ADAMTS20: variants seen among roughly 807,000 people sequenced by gnomAD.
The protein encoded by ADAMTS20 is A disintegrin and metalloproteinase with thrombospondin motifs 20.
In ADAMTS20, 225 loss-of-function variants were observed where a neutral mutation model predicts 260.1. That is an observed-to-expected ratio of 0.87 (90% CI 0.78 to 0.97). The LOEUF (loss-of-function observed/expected upper bound fraction) is 0.97. ADAMTS20 is among the 50% of genes least tolerant of loss of function. The pLI, the probability that ADAMTS20 is intolerant of heterozygous loss-of-function variation, is 0.00. For missense variants in ADAMTS20, 2,400 were observed against 2,337.7 expected (o/e 1.03, Z -0.55); for synonymous variants, 802 against 769.5 (o/e 1.04, Z -0.70).
At chr12:43,431,256 G>A in intron 22 of ADAMTS20, 76 bp downstream of exon 22, 2 of 1,453,088 alleles carry the variant, frequency 1.4e-6, no homozygotes, top group Non-Finnish European at 1.9e-6. Context: ...CACTAAGGGA[G>A]GAGTAAATAT....
rs1019899602 is a variant in ADAMTS20 at position 43,432,940 on chromosome 12, T to C, written c.2721-129A>G. On this transcript the variant is annotated intron_variant, in intron 19 of 38. Transcript: ENST00000389420. ...ACAAACCACCAAAAAACAAAACCAG[T>C]CTGCAGCCAGGAAGCCAGCATTATA... 1.6e-4 allele frequency: 124 copies of C among 773,774 alleles called. 2 individuals are homozygous for C. Among genetic ancestry groups the C allele is most frequent in the Middle Eastern group, 3.6e-4 (1 of 2,746 alleles). The allele number at this position is 773,774 out of a possible 1,614,324, so 47.9% of individuals were successfully genotyped here.
rs1165583637 is a variant in ADAMTS20 at position 43,428,497 on chromosome 12, C to T, written c.3689G>A (p.Arg1230Gln). The T allele has an allele frequency of 5.0e-6, 8 of 1,613,602 alleles. No homozygotes were observed. The highest frequency in any genetic ancestry group is 1.6e-4 in the Middle Eastern group (1 of 6,062). ...ATGGTAGTTCATGCATAAAACTTGT[C>T]GAGTTGTTTTTCCATGGCCACAGGA... Reference protein sequence around the residue: ...SASCGHGKTTRQVLCMNYHQP... With the variant: ...SASCGHGKTTQQVLCMNYHQP... Residue 1230 changes from arginine (R) to glutamine (Q), a missense_variant, in exon 26 of 39, where the codon CGA (arginine) becomes CAA (glutamine). Physicochemically the swap from Arg to Gln is conservative, Grantham distance 43. Coordinates refer to ENST00000389420, the MANE Select transcript of ADAMTS20 (RefSeq NM_025003.5).
intron 3 of ADAMTS20, among the ~76,000 whole-genome samples, chr12:43,503,936 C>A (rs776982665): frequency 2.6e-5 from 4 of 152,064 alleles, no homozygotes; most frequent in Non-Finnish European, 5.9e-5. Flanking sequence ...TATATATGTA[C>A]CACCATTTTC....
At chr12:43,544,376 CATA>C (rs769866140) in intron 2 of ADAMTS20, among the ~76,000 whole-genome samples, 1 of 152,188 alleles carries the variant, frequency 6.6e-6, no homozygotes, top group Non-Finnish European at 1.5e-5. Flanking sequence ...TTATCTTACT[CATA>C]ATGTGTTGCT....
intron 29 of ADAMTS20, among the ~76,000 whole-genome samples, chr12:43,389,734 A>C (rs1365181373): frequency 1.3e-5 from 2 of 152,060 alleles, no homozygotes; most frequent in Admixed American, 1.3e-4. Flanking sequence ...GCCACTTTAG[A>C]ACAAGGATGG....
In ADAMTS20 at chr12:43,467,755, G is replaced by T. The variant is rs533444554; in HGVS notation, c.1223+845C>A. Among the ~76,000 whole-genome samples the T allele has an allele frequency of 2.4e-4, 36 of 152,088 alleles. No homozygotes were observed. In the South Asian group the frequency reaches 3.7e-3, roughly 16 times the overall value. On this transcript the variant is annotated intron_variant, in intron 8 of 38. Coordinates refer to ENST00000389420, the MANE Select transcript of ADAMTS20 (RefSeq NM_025003.5). The stretch of plus-strand genomic sequence containing the variant: ...GTTGATGATTATGAGATATAACCAT[G>T]CAAAAAGGGAACTGAAGAGATGATC...
chr12:43,453,612 A>G (rs1303066987), intron 12 of ADAMTS20, among the ~76,000 whole-genome samples: 3 of 152,186 alleles, frequency 2.0e-5, no homozygotes, highest in African/African-American at 7.2e-5. Context: ...TGTGAAAATG[A>G]CATTATATAA....
At chr12:43,501,055 C>CT (rs79075751) in intron 4 of ADAMTS20, among the ~76,000 whole-genome samples, 7,496 of 104,558 alleles carry the variant, frequency 0.072, 686 homozygotes, top group African/African-American at 0.18. Context: ...CTATGTAATT[C>CT]TTTTTTTTTT....
At chr12:43,471,189 A>G (rs1306833343) in intron 7 of ADAMTS20, among the ~76,000 whole-genome samples, 1 of 152,168 alleles carries the variant, frequency 6.6e-6, no homozygotes, top group African/African-American at 2.4e-5. Flanking sequence ...GCAAGGGGTC[A>G]GGGAGTTCCC....
In ADAMTS20 at chr12:43,446,674, C is replaced by G. The variant is rs749199992; in HGVS notation, c.2118G>C (p.Lys706Asn). ...GCDHVLNSSA[K>N]IDKCGVCGGD... ...CACCACACACTCCACATTTGTCTATCTTGGCACTGGAGTTTAACACGTGAT... is the reference window on the plus strand; with the variant it reads ...CACCACACACTCCACATTTGTCTATGTTGGCACTGGAGTTTAACACGTGAT... The change falls in exon 15 of 39, where the codon AAG becomes AAC. Residue 706 changes from lysine to asparagine, a missense_variant. Lys to Asn is a moderately conservative substitution (Grantham distance 94). Transcript: ENST00000389420. 3 of 1,613,436 alleles carry G rather than the reference C, an allele frequency of 1.9e-6. No individual in the cohort carries two copies. Among genetic ancestry groups the G allele is most frequent in the Admixed American group, 3.3e-5 (2 of 59,928 alleles).
Position 43,551,819 on chromosome 12 carries a change from C to A in ADAMTS20, c.91+12G>T. 6.2e-7 allele frequency: 1 copy of A among 1,612,908 alleles called. No homozygotes were observed. Among genetic ancestry groups the A allele is most frequent in the Non-Finnish European group, 8.5e-7 (1 of 1,179,490 alleles). On this transcript the variant is annotated intron_variant, in intron 1 of 38. Transcript: ENST00000389420. This position sits in a 1 kb window ranked among gnomAD's most constrained non-coding sequence, Gnocchi z 4.6. Reference sequence around the variant, plus strand: ...CCACTTAGCCGCTGAAGGCGTCTCGCGGTGACTTTACCTTGCCTGGGGTGG... The same window carrying A: ...CCACTTAGCCGCTGAAGGCGTCTCGAGGTGACTTTACCTTGCCTGGGGTGG...
intron 2 of ADAMTS20, among the ~76,000 whole-genome samples, chr12:43,544,369 T>C (rs1268804541): frequency 6.6e-6 from 1 of 152,228 alleles, no homozygotes; most frequent in African/African-American, 2.4e-5. Flanking sequence ...TAGCTGCTTA[T>C]CTTACTCATA....
chr12:43,435,104 G>A (rs1393272627), intron 18 of ADAMTS20, among the ~76,000 whole-genome samples: 3 of 152,194 alleles, frequency 2.0e-5, no homozygotes, highest in Non-Finnish European at 4.4e-5. Context: ...GTGAATACAT[G>A]TCACTATACG....
chr12:43,509,906 A>G (rs545984185), intron 3 of ADAMTS20, among the ~76,000 whole-genome samples: 131 of 152,318 alleles, frequency 8.6e-4, no homozygotes, highest in Non-Finnish European at 1.7e-3. Flanking sequence ...AGCTAAAGCA[A>G]TAAGAAAATA....
At chr12:43,428,902 G>A (rs932958134) in intron 24 of ADAMTS20, 103 bp from the exon 25 acceptor site, 2 of 1,127,586 alleles carry the variant, frequency 1.8e-6, no homozygotes, top group African/African-American at 1.6e-5. Flanking sequence ...CCAGTTTCTT[G>A]AGAAATTTTA....
rs998669545 is a variant in ADAMTS20, at chr12:43,427,612, T to G, written c.3946-143A>C. ...CCTTCATTGGAATCACAATTTGAAT[T>G]GAGAAAATCTATCAAAACACTTGAG... On this transcript the variant is annotated intron_variant, in intron 26 of 38. Coordinates refer to ENST00000389420, the MANE Select transcript of ADAMTS20 (RefSeq NM_025003.5). 13 of 786,828 alleles carry G rather than the reference T, an allele frequency of 1.7e-5. 1 individual carries two copies. The highest frequency in any genetic ancestry group is 2.2e-5 in the Non-Finnish European group (12 of 547,632). 48.7% of individuals were successfully genotyped at this position (786,828 alleles called of 1,614,324 possible). A position where few individuals can be genotyped will look rare whatever the true frequency, so the allele number is the denominator to read the frequency against.
intron 29 of ADAMTS20, among the ~76,000 whole-genome samples, chr12:43,397,434 T>C (rs1565679892): frequency 6.6e-6 from 1 of 152,104 alleles, no homozygotes; most frequent in Admixed American, 6.6e-5. Context: ...GGCCAAAATA[T>C]ATGTAGAGAG....
chr12:43,448,587 A>T (rs1423165399), intron 14 of ADAMTS20, among the ~76,000 whole-genome samples: 1 of 152,234 alleles, frequency 6.6e-6, no homozygotes, highest in African/African-American at 2.4e-5. Flanking sequence ...ACTGGCAAAG[A>T]TTTCATGATG....
chr12:43,508,268 A>G (rs535989382), intron 3 of ADAMTS20, among the ~76,000 whole-genome samples: 5 of 152,318 alleles, frequency 3.3e-5, no homozygotes, highest in African/African-American at 7.2e-5. Flanking sequence ...TTTAAAGAAT[A>G]TTATTATCAT....
Sources: allele counts gnomAD v4.1 joint callset (sites outside exome capture counted in the v4.1 genomes callset), GRCh38; gene constraint gnomAD v4.1.1; non-coding constraint Gnocchi (gnomAD v3.1); transcripts MANE v1.5; gene names NCBI Gene and HGNC (gene_info 2026-07-23, HGNC 2026-07-21).